GAB1: variants seen among roughly 807,000 people sequenced by gnomAD.
GAB1 encodes the protein GRB2-associated-binding protein 1.
In GAB1, 19 loss-of-function variants were observed where a neutral mutation model predicts 66.5. The ratio of observed to expected loss-of-function variants is 0.29; its 90% CI spans 0.20 to 0.42. The LOEUF (loss-of-function observed/expected upper bound fraction) is 0.42. Among genes scored for constraint, GAB1 ranks in the 10% least tolerant of loss-of-function variants. GAB1 has a pLI of 1.00. For synonymous variants in GAB1, 294 were observed against 301.4 expected, an observed-to-expected ratio of 0.98 and a Z score of 0.25; for missense variants, 732 against 858.5, an observed-to-expected ratio of 0.85 and a Z score of 1.84.
At chr4:143,358,633 T>C (rs1390211581) in intron 1 of GAB1, among the ~76,000 whole-genome samples, 1 of 152,208 alleles carries the variant, frequency 6.6e-6, no homozygotes, top group Non-Finnish European at 1.5e-5. Flanking sequence ...GTTCTGCCAC[T>C]GTGCCCACAT....
chr4:143,433,447 T>A, intron 2 of GAB1, 44 bp from the exon 3 acceptor site: 2 of 1,418,808 alleles, frequency 1.4e-6, no homozygotes, highest in East Asian at 2.3e-5. Context: ...TTCCAAAAAT[T>A]GTTTAACTGT....
intron 1 of GAB1, among the ~76,000 whole-genome samples, chr4:143,344,377 C>T (rs912728429): frequency 6.6e-6 from 1 of 152,184 alleles, no homozygotes; most frequent in Non-Finnish European, 1.5e-5. Context: ...TAATTTCCAC[C>T]AAGTTAGAGC....
chr4:143,464,144 A>C (rs1404190685), intron 8 of GAB1, among the ~76,000 whole-genome samples: 1 of 152,208 alleles, frequency 6.6e-6, no homozygotes, highest in East Asian at 1.9e-4. Flanking sequence ...TTCTCCATGA[A>C]TTAGAAAGAA....
intron 2 of GAB1, among the ~76,000 whole-genome samples, chr4:143,429,343 A>G (rs551953500): frequency 3.3e-5 from 5 of 152,306 alleles, no homozygotes; most frequent in Admixed American, 3.3e-4. Context: ...ACCACAAGTG[A>G]TCTGCCCTCC....
chr4:143,439,909 A>G (rs1203111088), intron 5 of GAB1, 22 bp downstream of exon 5: 3 of 1,556,160 alleles, frequency 1.9e-6, no homozygotes, highest in Non-Finnish European at 8.9e-7. Context: ...TGACCTTGGC[A>G]TCATCAAGTG....
chr4:143,377,097 G>GT (rs199689412), intron 1 of GAB1, among the ~76,000 whole-genome samples: 431 of 143,956 alleles, frequency 3.0e-3, no homozygotes, highest in Middle Eastern at 0.011. Context: ...TAGTCTGGTG[G>GT]TTTTTTTTTT....
chr4:143,348,779 T>C lies in GAB1; in HGVS notation c.72+11519T>C, dbSNP rs189707318. 2.6e-5 allele frequency among the ~76,000 whole-genome samples: 4 copies of C among 152,274 alleles called. No homozygotes were observed. In the East Asian group the frequency reaches 7.7e-4, roughly 29 times the overall value. On this transcript the variant is annotated intron_variant, in intron 1 of 9. Transcript: ENST00000262994. The stretch of plus-strand genomic sequence containing the variant: ...ATGTGGCAGCAGCACATCCATCCAG[T>C]AGTGTTTGTTGCTTCCTTCTCCACT...
chr4:143,362,333 G>A (rs1729695863), intron 1 of GAB1, among the ~76,000 whole-genome samples: 1 of 152,170 alleles, frequency 6.6e-6, no homozygotes, highest in East Asian at 1.9e-4. Flanking sequence ...GACCCCAAGA[G>A]ACGGGCTCTT....
chr4:143,451,407 A>C (rs1734923629), intron 6 of GAB1, among the ~76,000 whole-genome samples: 1 of 152,120 alleles, frequency 6.6e-6, no homozygotes, highest in African/African-American at 2.4e-5. Flanking sequence ...GTCCTGAAGG[A>C]GTTATAATTT....
At chr4:143,461,053 A>G (rs1407357247) in intron 8 of GAB1, among the ~76,000 whole-genome samples, 1 of 152,234 alleles carries the variant, frequency 6.6e-6, no homozygotes, top group East Asian at 1.9e-4. Context: ...CTATACTACC[A>G]TAAAGCATGA....
chr4:143,406,629 A>T (rs974171074), intron 1 of GAB1, among the ~76,000 whole-genome samples: 2 of 152,180 alleles, frequency 1.3e-5, no homozygotes, highest in African/African-American at 2.4e-5. Flanking sequence ...GAGCTCACTG[A>T]CTCTGACTGC....
intron 1 of GAB1, among the ~76,000 whole-genome samples, chr4:143,402,106 A>G (rs1463562019): frequency 6.6e-6 from 1 of 152,094 alleles, no homozygotes; most frequent in African/African-American, 2.4e-5. Context: ...GATTTCTTAG[A>G]ATTAAAGACG....
chr4:143,433,954 C>T, intron 3 of GAB1: 1 of 634,228 alleles, frequency 1.6e-6, no homozygotes, highest in Middle Eastern at 2.8e-4. Flanking sequence ...AGCAGTTTTC[C>T]CTACAAGGCT....
At chr4:143,360,182 C>G (rs1729605685) in intron 1 of GAB1, among the ~76,000 whole-genome samples, 1 of 152,146 alleles carries the variant, frequency 6.6e-6, no homozygotes, top group African/African-American at 2.4e-5. Flanking sequence ...ATTCACCACT[C>G]TGTGTCCTAC....
intron 8 of GAB1, among the ~76,000 whole-genome samples, chr4:143,462,499 G>A (rs373173691): frequency 1.3e-4 from 20 of 151,998 alleles, no homozygotes; most frequent in Non-Finnish European, 2.8e-4. Context: ...TTTGTCATGG[G>A]TGTTAGATGA....
chr4:143,382,941 G>A (rs1320823400), intron 1 of GAB1, among the ~76,000 whole-genome samples: 1 of 152,180 alleles, frequency 6.6e-6, no homozygotes, highest in Non-Finnish European at 1.5e-5. Context: ...TTGTGAAGTA[G>A]AAACTGATTT....
intron 1 of GAB1, among the ~76,000 whole-genome samples, chr4:143,354,276 T>A (rs1729353412): frequency 6.6e-6 from 1 of 152,042 alleles, no homozygotes; most frequent in African/African-American, 2.4e-5. Flanking sequence ...AGCCTCTGAG[T>A]ATTCCTAACT....
intron 6 of GAB1, among the ~76,000 whole-genome samples, chr4:143,446,727 T>C (rs1734571026): frequency 6.6e-6 from 1 of 152,184 alleles, no homozygotes; most frequent in Non-Finnish European, 1.5e-5. Context: ...GCGAAAATTT[T>C]CTCCCATTTT....
chr4:143,373,030 G>A (rs1394662646), intron 1 of GAB1, among the ~76,000 whole-genome samples: 1 of 140,798 alleles, frequency 7.1e-6, no homozygotes, highest in African/African-American at 2.8e-5. Context: ...TCTGAGGATT[G>A]AATTTCCTTT....
Sources: gnomAD v4.1 joint callset for allele counts (sites outside exome capture counted in the v4.1 genomes callset) on GRCh38, gnomAD v4.1.1 for gene constraint, MANE v1.5 for transcripts, NCBI Gene and HGNC (gene_info 2026-07-23, HGNC 2026-07-21) for gene names.